DOCK5: variants seen among roughly 807,000 people sequenced by gnomAD.
DOCK5 encodes dedicator of cytokinesis 5.
A neutral mutation model predicts 251.8 loss-of-function variants in DOCK5; 142 were observed. The observed-to-expected ratio is 0.56, with a 90% confidence interval of 0.49 to 0.65. The LOEUF (loss-of-function observed/expected upper bound fraction) is 0.65, where lower values mean the gene tolerates loss of function less well. DOCK5 is among the 30% of genes least tolerant of loss of function. The pLI is 0.00. For missense variants in DOCK5, 2,111 were observed against 2,312.3 expected, an observed-to-expected ratio of 0.91 and a Z score of 1.79; for synonymous variants, 842 against 835.5, an observed-to-expected ratio of 1.01 and a Z score of -0.13.
At chr8:25,342,685 T>G (rs1805983987) in intron 25 of DOCK5, among the ~76,000 whole-genome samples, 178 bp downstream of exon 25, 1 of 147,220 alleles carries the variant, frequency 6.8e-6, no homozygotes, top group South Asian at 2.1e-4. Flanking sequence ...TTGTTTGTTT[T>G]TTCTTGTTTT....
chr8:25,332,263 G>A lies in DOCK5; in HGVS notation c.1916G>A (p.Gly639Asp). The change falls in exon 19 of 52, where the codon GGC becomes GAC. Residue 639 changes from glycine (G) to aspartate (D), a missense_variant. Coordinates refer to ENST00000276440, the MANE Select transcript of DOCK5 (RefSeq NM_024940.8). ...TKLTQNVDLL[G>D]LLNWRSNSQN... ...TTGTTCTTCCTAGTTGACCTGTTAG[G>A]CTTGTTAAATTGGCGTTCCAACTCC... is the stretch of plus-strand genomic sequence containing the variant. 6.2e-7 allele frequency: 1 copy of A among 1,613,434 alleles called. No homozygotes were observed. Among genetic ancestry groups the A allele is most frequent in the East Asian group, 2.2e-5 (1 of 44,794 alleles).
chr8:25,345,139 TTG>T (rs1800334348), intron 25 of DOCK5, among the ~76,000 whole-genome samples: 1 of 152,202 alleles, frequency 6.6e-6, no homozygotes, highest in South Asian at 2.1e-4. Flanking sequence ...TTGGTTTTAT[TTG>T]TTTCATATGA....
intron 35 of DOCK5, among the ~76,000 whole-genome samples, chr8:25,373,172 G>T (rs1800905085): frequency 6.6e-6 from 1 of 151,874 alleles, no homozygotes; most frequent in Admixed American, 6.6e-5. Flanking sequence ...GCTAATTTTT[G>T]TATTTTTAGT....
At chr8:25,345,995 G>A (rs578151631) in intron 26 of DOCK5, among the ~76,000 whole-genome samples, 35 of 152,216 alleles carry the variant, frequency 2.3e-4, no homozygotes, top group South Asian at 1.9e-3. Context: ...GACTACAGGC[G>A]CCCGCCACCA....
intron 27 of DOCK5, among the ~76,000 whole-genome samples, chr8:25,354,645 T>C (rs1490772993): frequency 6.6e-6 from 1 of 151,950 alleles, no homozygotes. Flanking sequence ...GGAAAAAAAG[T>C]GAGGGGAAAA....
chr8:25,219,498 CCTT>C (rs1344460539), intron 1 of DOCK5, among the ~76,000 whole-genome samples: 4 of 152,150 alleles, frequency 2.6e-5, no homozygotes, highest in African/African-American at 9.6e-5. Context: ...TTGTCTTTCC[CCTT>C]CTTGGTTTAC....
At chr8:25,193,576 C>A (rs909543577) in intron 1 of DOCK5, among the ~76,000 whole-genome samples, 1 of 149,692 alleles carries the variant, frequency 6.7e-6, no homozygotes, top group African/African-American at 2.5e-5. Flanking sequence ...GCCTGGGCAA[C>A]GTTGTGCAAC....
At position 25,364,665 on chromosome 8, in the gene DOCK5, C is replaced by T; in HGVS notation, c.3084C>T (p.Leu1028=). The T allele has an allele frequency of 3.7e-6, 6 of 1,600,914 alleles. No homozygotes were observed. Among genetic ancestry groups the T allele is most frequent in the Non-Finnish European group, 5.1e-6 (6 of 1,172,340 alleles). The change falls in exon 30 of 52, where the codon CTC becomes CTT. Residue 1028 remains leucine, a synonymous_variant. Transcript: ENST00000276440. Reference sequence around the variant, plus strand: ...CTATAAATCAGTTTGCTGAAGTTCTCACAAGATTCTTCATGGATCAGGCAA... The same window carrying T: ...CTATAAATCAGTTTGCTGAAGTTCTTACAAGATTCTTCATGGATCAGGCAA... The part of the protein sequence containing the change: ...LRAINQFAEV[L]TRFFMDQASF...
rs553998534 is a variant in DOCK5 at position 25,322,017 on chromosome 8, A to G, written c.1615+965A>G. Among the ~76,000 whole-genome samples the G allele has an allele frequency of 2.3e-3, 348 of 152,320 alleles. 1 individual carries two copies. Among genetic ancestry groups the G allele is most frequent in the Non-Finnish European group, 3.8e-3 (257 of 68,036 alleles). On this transcript the variant is annotated intron_variant, in intron 16 of 51. Coordinates refer to ENST00000276440, the MANE Select transcript of DOCK5 (RefSeq NM_024940.8). ...TCACAGTTCTTGAAATGGCTACACT[A>G]AAGTGTAAGCAGAGAAGAAAATTGA...
chr8:25,241,237 G>A (rs1037254768), intron 1 of DOCK5, among the ~76,000 whole-genome samples: 2 of 152,210 alleles, frequency 1.3e-5, no homozygotes, highest in Non-Finnish European at 2.9e-5. Context: ...AGCACTTTGG[G>A]AGGCTGAGGC....
chr8:25,222,899 G>A (rs376440542), intron 1 of DOCK5, among the ~76,000 whole-genome samples: 3 of 152,144 alleles, frequency 2.0e-5, no homozygotes, highest in South Asian at 2.1e-4. Context: ...CAGCTACGTC[G>A]CCAGCAGATG....
chr8:25,333,719 A>G (rs1805735119), intron 20 of DOCK5, among the ~76,000 whole-genome samples: 3 of 152,126 alleles, frequency 2.0e-5, no homozygotes, highest in Admixed American at 1.3e-4. Flanking sequence ...CAGGAGAAAA[A>G]TGTCATGGAA....
At chr8:25,250,383 C>T (rs1042555231) in intron 2 of DOCK5, among the ~76,000 whole-genome samples, 11 of 152,196 alleles carry the variant, frequency 7.2e-5, no homozygotes, top group Admixed American at 6.5e-5. Context: ...AGGACTGAAG[C>T]GAGCGTTCTT....
At chr8:25,400,539 A>T (rs993527444) in intron 46 of DOCK5, among the ~76,000 whole-genome samples, 2 of 147,694 alleles carry the variant, frequency 1.4e-5, no homozygotes, top group African/African-American at 5.0e-5. Flanking sequence ...GTTTCCTGGC[A>T]TGTGTTTCCA....
intron 2 of DOCK5, among the ~76,000 whole-genome samples, chr8:25,247,245 A>G (rs558752118): frequency 4.7e-4 from 71 of 152,252 alleles, no homozygotes; most frequent in African/African-American, 1.6e-3. Flanking sequence ...ATGTGACCTC[A>G]GCGTATTTCT....
chr8:25,278,055 T>G (rs1477782483), intron 4 of DOCK5, among the ~76,000 whole-genome samples: 1 of 152,174 alleles, frequency 6.6e-6, no homozygotes, highest in African/African-American at 2.4e-5. Flanking sequence ...GTTGTGAAAC[T>G]GCAGATGAGA....
At chr8:25,200,051 A>C (rs1007551237) in intron 1 of DOCK5, among the ~76,000 whole-genome samples, 2 of 152,220 alleles carry the variant, frequency 1.3e-5, no homozygotes, top group Non-Finnish European at 2.9e-5. Flanking sequence ...GGATACTGGA[A>C]GCATTGTTAT....
At chr8:25,387,810 T>G (rs542674535) in intron 40 of DOCK5, among the ~76,000 whole-genome samples, 17 of 152,318 alleles carry the variant, frequency 1.1e-4, no homozygotes, top group African/African-American at 4.1e-4. Flanking sequence ...ATCCCATTCA[T>G]CTGTCTATGC....
In DOCK5 at chr8:25,234,233, T is replaced by A. The variant is rs185169488; in HGVS notation, c.44-9441T>A. Among the ~76,000 whole-genome samples, 395 of 152,362 alleles carry A rather than the reference T, an allele frequency of 2.6e-3. 3 individuals carry two copies. The highest frequency in any genetic ancestry group is 9.0e-3 in the African/African-American group (374 of 41,590). ...CCTCAACTATCATTTAAAAGTGCTT[T>A]TTCTAGATTCCACAGTAACCTCTGG... On this transcript the variant is annotated intron_variant, in intron 1 of 51. Transcript: ENST00000276440.
Sources: allele counts gnomAD v4.1 joint callset (sites outside exome capture counted in the v4.1 genomes callset), GRCh38; gene constraint gnomAD v4.1.1; transcripts MANE v1.5; gene names NCBI Gene and HGNC (gene_info 2026-07-23, HGNC 2026-07-21).